The following ARRB1 variants were observed in gnomAD, a reference collection of about 807,000 sequenced individuals.
ARRB1 encodes the protein beta-arrestin-1.
A neutral mutation model predicts 56.8 loss-of-function variants in ARRB1; 21 were observed. The observed-to-expected ratio is 0.37, with a 90% CI of 0.26 to 0.53. The LOEUF (loss-of-function observed/expected upper bound fraction) is 0.53, where lower values mean the gene tolerates loss of function less well. Among genes scored for constraint, ARRB1 ranks in the 20% least tolerant of loss-of-function variants. The pLI is 0.88. For synonymous variants in ARRB1, 210 were observed against 218.6 expected, an observed-to-expected ratio of 0.96 and a Z score of 0.35; for missense variants, 424 against 553.7, an observed-to-expected ratio of 0.77 and a Z score of 2.35.
chr11:75,262,033 A>G lies in ARRB1; in HGVS notation c.*4130T>C, dbSNP rs1945803830. ...CTGCATCCGCTGTGGCTCGGCTCTCAGGACAAAAGGCTTGGGTTTTTCCTG... is the reference window on the plus strand; with the variant it reads ...CTGCATCCGCTGTGGCTCGGCTCTCGGGACAAAAGGCTTGGGTTTTTCCTG... On this transcript the variant is annotated 3_prime_UTR_variant, in exon 16 of 16. Transcript: ENST00000420843. The G allele has an allele frequency of 6.6e-6, 1 of 152,136 alleles. No homozygotes were observed. The highest frequency in any genetic ancestry group is 2.1e-4 in the South Asian group (1 of 4,834). The allele number at this position is 152,136 out of a possible 1,614,324, so 9.4% of individuals were successfully genotyped here.
At chr11:75,312,609 C>G (rs67373454) in intron 1 of ARRB1, among the ~76,000 whole-genome samples, 10,096 of 152,146 alleles carry the variant, frequency 0.066, 560 homozygotes, top group South Asian at 0.27. Context: ...AGAAGAGATT[C>G]TGCAGATGTG....
chr11:75,281,864 G>T, intron 6 of ARRB1, 98 bp downstream of exon 6: 2 of 1,232,534 alleles, frequency 1.6e-6, no homozygotes, highest in Non-Finnish European at 2.3e-6. Context: ...AACAGGGAGA[G>T]TGGTCCTGTG....
In ARRB1 at chr11:75,266,271, A is replaced by C. The variant is rs1161446430; in HGVS notation, c.1149T>G (p.Asp383Glu). ...CAAAGTCCTCAAATACAATGTCGTCATCACTGGTGGGAGAGACAAGGAAAA... is the reference window on the plus strand; with the variant it reads ...CAAAGTCCTCAAATACAATGTCGTCCTCACTGGTGGGAGAGACAAGGAAAA... Reference protein sequence around the residue: ...DTNLIELDTNDDDIVFEDFAR... With the variant: ...DTNLIELDTNEDDIVFEDFAR... The change falls in exon 16 of 16, where the codon GAT becomes GAG. Residue 383 changes from aspartate (D) to glutamate (E), a missense_variant. This residue lies in a region of ARRB1 where 121 missense variants were observed against 147.3 expected (regional missense o/e 0.82). Coordinates refer to ENST00000420843, the MANE Select transcript of ARRB1 (RefSeq NM_004041.5). The C allele has an allele frequency of 6.2e-7, 1 of 1,613,576 alleles. No homozygotes were observed. The highest frequency in any genetic ancestry group is 2.2e-5 in the East Asian group (1 of 44,874).
Position 75,266,186 on chromosome 11 carries a change from A to G in ARRB1, c.1234T>C (p.Ser412Pro). The G allele has an allele frequency of 6.2e-7, 1 of 1,614,144 alleles. No homozygotes were observed. Among genetic ancestry groups the G allele is most frequent in the Non-Finnish European group, 8.5e-7 (1 of 1,180,016 alleles). Residue 412 changes from serine to proline, a missense_variant, in exon 16 of 16, where the codon TCT becomes CCT. By Grantham distance (74) the Ser-to-Pro change is moderately conservative. Coordinates refer to ENST00000420843, the MANE Select transcript of ARRB1 (RefSeq NM_004041.5). ...DKEEEEDGTGSPQLNNR is the reference protein window; with the variant it reads ...DKEEEEDGTGPPQLNNR The stretch of plus-strand genomic sequence containing the variant: ...GTCTATCTGTTGTTGAGCTGTGGAG[A>G]GCCGGTACCATCCTCCTCTTCCTCC...
At chr11:75,316,444 G>A (rs1010732569) in intron 1 of ARRB1, among the ~76,000 whole-genome samples, 1 of 152,182 alleles carries the variant, frequency 6.6e-6, no homozygotes, top group Non-Finnish European at 1.5e-5. Context: ...CCAGCAGAGT[G>A]AGCCTAGGCT....
At chr11:75,269,299 C>A (rs982005162) in intron 13 of ARRB1, 8 of 349,264 alleles carry the variant, frequency 2.3e-5, no homozygotes, top group Non-Finnish European at 3.9e-5. Flanking sequence ...TGCCCTGGGA[C>A]CCCCCCCCAC....
In ARRB1 at chr11:75,277,456, G is replaced by C. The variant is rs762634059; in HGVS notation, c.619-8C>G. The C allele has an allele frequency of 5.6e-6, 9 of 1,613,384 alleles. No homozygotes were observed. The East Asian group carries it at 1.6e-4, about 28-fold the overall frequency. ...TTCTCCATGGTAATAGATCTGGGGG[G>C]CATAAGAAGGGACGGGGTTGGCTGG... On this transcript the variant is annotated splice_region_variant and splice_polypyrimidine_tract_variant and intron_variant, in intron 8 of 15. Transcript: ENST00000420843.
Position 75,266,210 on chromosome 11 carries a change from CCTT to C in ARRB1, c.1207_1209del (p.Lys403del). ...GAGCCGGTACCATCCTCCTCTTCCT[CCTT>C]GTCATCCTTCATGCCTTTCAGTCTC... On this transcript the variant is annotated inframe_deletion, in exon 16 of 16. Coordinates refer to ENST00000420843, the MANE Select transcript of ARRB1 (RefSeq NM_004041.5). The C allele has an allele frequency of 6.2e-7, 1 of 1,614,248 alleles. No homozygotes were observed. The highest frequency in any genetic ancestry group is 8.5e-7 in the Non-Finnish European group (1 of 1,180,040).
chr11:75,306,399 A>T (rs1265281629), intron 1 of ARRB1, among the ~76,000 whole-genome samples: 1 of 151,958 alleles, frequency 6.6e-6, no homozygotes, highest in Non-Finnish European at 1.5e-5. Context: ...TCCACCCCGC[A>T]CTGTTCCTCC....
chr11:75,289,508 C>G (rs545782796), intron 2 of ARRB1, among the ~76,000 whole-genome samples: 1 of 152,178 alleles, frequency 6.6e-6, no homozygotes, highest in Non-Finnish European at 1.5e-5. Flanking sequence ...CCCCTGTCCC[C>G]GCCGGCTCAG....
chr11:75,345,931 G>A (rs917113371), intron 1 of ARRB1, among the ~76,000 whole-genome samples: 2 of 152,180 alleles, frequency 1.3e-5, no homozygotes, highest in African/African-American at 2.4e-5. Context: ...CCCAGCGTGG[G>A]TAAGGAAGCA....
chr11:75,271,722 A>T lies in ARRB1; in HGVS notation c.1001T>A (p.Leu334Gln). 1 of 1,572,952 alleles carries T rather than the reference A, an allele frequency of 6.4e-7. No homozygotes were observed. The highest frequency in any genetic ancestry group is 8.6e-7 in the Non-Finnish European group (1 of 1,158,686). ...KVKLVVSRGG[L>Q]LGDLASSDVA... ...TTACCTGGATGCAAGATCTCCCAAC[A>T]GGCTGGGTGGGTCAGAGGAGGCAGG... The change falls in exon 13 of 16, where the codon CTG becomes CAG. Residue 334 changes from leucine to glutamine, a missense_variant and splice_region_variant. Leu to Gln is a moderately radical substitution (Grantham distance 113). This residue lies in a region of ARRB1 where 121 missense variants were observed against 147.3 expected (regional missense o/e 0.82). Coordinates refer to ENST00000420843, the MANE Select transcript of ARRB1 (RefSeq NM_004041.5).
At chr11:75,325,870 C>A (rs137981707) in intron 1 of ARRB1, among the ~76,000 whole-genome samples, 118 of 152,320 alleles carry the variant, frequency 7.7e-4, no homozygotes, top group Non-Finnish European at 1.3e-3. Flanking sequence ...ACGCCCAGGG[C>A]TCTCTGGTCT....
At chr11:75,284,392 T>C (rs1565115429) in intron 3 of ARRB1, 113 bp from the exon 4 acceptor site, 1 of 1,123,234 alleles carries the variant, frequency 8.9e-7, no homozygotes, top group Non-Finnish European at 1.2e-6. Flanking sequence ...AAAATCATCC[T>C]GAGAAAAATG....
At chr11:75,304,866 C>A (rs937428289) in intron 1 of ARRB1, among the ~76,000 whole-genome samples, 1 of 150,414 alleles carries the variant, frequency 6.6e-6, no homozygotes, top group Admixed American at 6.7e-5. Context: ...GAGTTTGAGA[C>A]CAGGCTGGGC....
chr11:75,273,642 T>C (rs1946123361), intron 11 of ARRB1, among the ~76,000 whole-genome samples: 2 of 152,190 alleles, frequency 1.3e-5, no homozygotes, highest in African/African-American at 4.8e-5. Flanking sequence ...GCGTCCACGA[T>C]GACTGTGCAG....
intron 1 of ARRB1, among the ~76,000 whole-genome samples, chr11:75,300,202 C>CAAAAA (rs10557397): frequency 2.3e-4 from 20 of 87,280 alleles, no homozygotes; most frequent in African/African-American, 6.7e-4. Flanking sequence ...GACTCTGTCT[C>CAAAAA]AAAAAAAAAA....
chr11:75,273,930 A>G, intron 11 of ARRB1, 144 bp downstream of exon 11: 1 of 1,299,084 alleles, frequency 7.7e-7, no homozygotes, highest in Admixed American at 2.1e-5. Context: ...CTTCCCTGAC[A>G]AGTCAAGCAC....
intron 4 of ARRB1, among the ~76,000 whole-genome samples, 188 bp from the exon 5 acceptor site, chr11:75,283,671 C>T (rs1946405124): frequency 6.6e-6 from 1 of 152,196 alleles, no homozygotes; most frequent in South Asian, 2.1e-4. Context: ...CATGGCCTGG[C>T]CCCTGGGAGG....
Sources: gnomAD v4.1 joint callset for allele counts (sites outside exome capture counted in the v4.1 genomes callset) on GRCh38, gnomAD v4.1.1 for gene constraint, gnomAD v4.1.1 regional missense constraint, MANE v1.5 for transcripts, NCBI Gene and HGNC (gene_info 2026-07-23, HGNC 2026-07-21) for gene names.